Variants in CACNA1F observed in about 807,000 individuals in gnomAD.
CACNA1F encodes voltage-dependent L-type calcium channel subunit alpha-1F.
CACNA1F carries 59 observed loss-of-function variants against 143.8 expected under a neutral mutation model. The observed-to-expected ratio is 0.41, with a 90% CI of 0.33 to 0.51. The LOEUF (loss-of-function observed/expected upper bound fraction) is 0.51, where lower values mean the gene tolerates loss of function less well. CACNA1F is among the 20% of genes least tolerant of loss of function. The probability of loss-of-function intolerance (pLI) is 0.22; values close to 1 mark genes in which losing one functional copy is unlikely to be tolerated. For synonymous variants in CACNA1F, 643 were observed against 649.1 expected, an observed-to-expected ratio of 0.99 and a Z score of 0.14; for missense variants, 1,411 against 1,647.5, an observed-to-expected ratio of 0.86 and a Z score of 2.48.
rs2065604544 is a variant in CACNA1F at position 49,207,006 on chromosome X, G to A, written c.5230C>T (p.Arg1744Trp). ...KQDEDEEVPD[R>W]LSYLDEQAGT... Reference sequence around the variant, plus strand: ...TCCCATGTGGCATGGCCAGTGTACCGATCAGGGACTTCCTCATCCTCATCT... The same window carrying A: ...TCCCATGTGGCATGGCCAGTGTACCAATCAGGGACTTCCTCATCCTCATCT... The change falls in exon 44 of 48, where the codon CGG (arginine) becomes TGG (tryptophan). Residue 1744 changes from arginine (R) to tryptophan (W), a missense_variant and splice_region_variant. This residue lies in a region of CACNA1F where 349 missense variants were observed against 350.2 expected (regional missense o/e 1.00). Transcript: ENST00000323022. The A allele has an allele frequency of 3.4e-6, 4 of 1,171,104 alleles. No homozygotes were observed. The highest frequency in any genetic ancestry group is 4.6e-6 in the Non-Finnish European group (4 of 865,528).
At position 49,208,197 on chromosome X, in the gene CACNA1F, C is replaced by CA. The variant is rs1182146690; in HGVS notation, c.5123+317dup. Among the ~76,000 whole-genome samples the CA allele has an allele frequency of 6.1e-3, 288 of 47,303 alleles. 3 individuals carry two copies. Among genetic ancestry groups the CA allele is most frequent in the African/African-American group, 0.011 (125 of 11,769 alleles). 41.1% of individuals were successfully genotyped at this position (47,303 alleles called of 115,157 possible). On this transcript the variant is annotated intron_variant, in intron 43 of 47. Coordinates refer to ENST00000323022, the MANE Select transcript of CACNA1F (RefSeq NM_001256789.3). Reference sequence around the variant, plus strand: ...TGGGAGACAGAGCGGGACTCTGTCTCAAAAAAAAAAAAAAAAAAAAAGTGA... The same window carrying CA: ...TGGGAGACAGAGCGGGACTCTGTCTCAAAAAAAAAAAAAAAAAAAAAAGTGA...
intron 47 of CACNA1F, 39 bp from the exon 48 acceptor site, chrX:49,205,406 A>G (rs1235305186): frequency 2.0e-6 from 2 of 1,006,387 alleles, no homozygotes; most frequent in Non-Finnish European, 2.8e-6. Flanking sequence ...CGGACGGCAC[A>G]GTGTGCACAG....
intron 13 of CACNA1F, 83 bp downstream of exon 13, chrX:49,225,826 G>A (rs2065817432): frequency 1.1e-6 from 1 of 938,034 alleles, no homozygotes; most frequent in African/African-American, 2.0e-5. Context: ...GGGGGCTGAG[G>A]CGCCCTAGAG....
At chrX:49,231,654 C>T (rs782544202) in intron 2 of CACNA1F, 24 bp downstream of exon 2, 1 of 1,208,891 alleles carries the variant, frequency 8.3e-7, no homozygotes, top group Non-Finnish European at 1.1e-6. Context: ...TACCCCTGGG[C>T]CCTGCCCCTG....
chrX:49,211,485 G>A lies in CACNA1F; in HGVS notation c.4101-4C>T, dbSNP rs376118598. On this transcript the variant is annotated splice_region_variant and splice_polypyrimidine_tract_variant and intron_variant, in intron 35 of 47. Coordinates refer to ENST00000323022, the MANE Select transcript of CACNA1F (RefSeq NM_001256789.3). ...CCATGCCTCACCAGTGGCACACCTG[G>A]TGGGAGTCACACAGGGGTAGCATCC... 12 of 1,203,913 alleles carry A rather than the reference G, an allele frequency of 1.0e-5. No individual in the cohort carries two copies. The highest frequency in any genetic ancestry group is 2.3e-4 in the Middle Eastern group (1 of 4,355).
chrX:49,223,094 A>G lies in CACNA1F; in HGVS notation c.1920T>C (p.Asn640=). 1.7e-6 allele frequency: 2 copies of G among 1,204,500 alleles called. No individual in the cohort carries two copies. Among genetic ancestry groups the G allele is most frequent in the Non-Finnish European group, 1.1e-6 (1 of 891,493 alleles). The change falls in exon 15 of 48, where the codon AAT becomes AAC. Residue 640 remains asparagine (N), a synonymous_variant. Coordinates refer to ENST00000323022, the MANE Select transcript of CACNA1F (RefSeq NM_001256789.3). ...SLSNLVASLL[N]SMKSIASLLL... is the part of the protein sequence containing the mutation. ...GCAAGGATGCGATGGATTTCATTGAATTGAGCAGGGATGCCACCAGATTGC... is the reference window on the plus strand; with the variant it reads ...GCAAGGATGCGATGGATTTCATTGAGTTGAGCAGGGATGCCACCAGATTGC...
chrX:49,209,464 G>A (rs1367149861), intron 41 of CACNA1F, 71 bp from the exon 42 acceptor site: 7 of 1,143,382 alleles, frequency 6.1e-6, no homozygotes, highest in East Asian at 6.0e-5. Flanking sequence ...CCCTGCAGGC[G>A]GGTAGGGTGG....
At position 49,212,300 on chromosome X, in the gene CACNA1F, G is replaced by T. The variant is rs782711171; in HGVS notation, c.3951C>A (p.Pro1317=). ...WTFIKSFQAL[P]YVALLIAMIF... Reference sequence around the variant, plus strand: ...TCATTGCGATGAGAAGAGCCACATAGGGCAAGGCCTATAGGGATGGGGGAG... The same window carrying T: ...TCATTGCGATGAGAAGAGCCACATATGGCAAGGCCTATAGGGATGGGGGAG... The change falls in exon 34 of 48, where the codon CCC becomes CCA. Residue 1317 remains proline, a synonymous_variant. Coordinates refer to ENST00000323022, the MANE Select transcript of CACNA1F (RefSeq NM_001256789.3). The T allele has an allele frequency of 8.3e-7, 1 of 1,201,410 alleles. No homozygotes were observed. The highest frequency in any genetic ancestry group is 1.8e-5 in the South Asian group (1 of 56,626).
At position 49,225,012 on chromosome X, in the gene CACNA1F, C is replaced by T. The variant is rs186027767; in HGVS notation, c.1652-26G>A. 151 of 1,050,905 alleles carry T rather than the reference C, an allele frequency of 1.4e-4. No homozygotes were observed. In the East Asian group the frequency reaches 3.8e-3, roughly 26 times the overall value. 86.6% of individuals were successfully genotyped at this position (1,050,905 alleles called of 1,213,427 possible). A position where few individuals can be genotyped will look rare whatever the true frequency, so the allele number is the denominator to read the frequency against. ...CTGTGGGGAGAGAGGCAGGGATGAT[C>T]GGGCTGGCCAGTTTCTGTGGTGACA... is the stretch of plus-strand genomic sequence containing the variant. On this transcript the variant is annotated intron_variant, in intron 13 of 47. Transcript: ENST00000323022.
intron 17 of CACNA1F, 87 bp downstream of exon 17, chrX:49,222,435 A>G: frequency 4.3e-6 from 3 of 702,675 alleles, no homozygotes; most frequent in Non-Finnish European, 6.7e-6. Context: ...GGGTGACTAG[A>G]GGCATCTCTG....
In CACNA1F at chrX:49,219,802, G is replaced by T; in HGVS notation, c.2387-12C>A. 9.9e-7 allele frequency: 1 copy of T among 1,014,928 alleles called. No homozygotes were observed. The highest frequency in any genetic ancestry group is 1.4e-6 in the Non-Finnish European group (1 of 739,335). The allele number at this position is 1,014,928 out of a possible 1,213,427, so 83.6% of individuals were successfully genotyped here. ...CTCCTCCTCCATGTCTGGCACCAGA[G>T]AAAAGCAAAAAAAAATTAATTGAGC... On this transcript the variant is annotated splice_polypyrimidine_tract_variant and intron_variant, in intron 19 of 47. Transcript: ENST00000323022.
rs201861911 is a variant in CACNA1F at position 49,231,913 on chromosome X, G to T, written c.40C>A (p.Pro14Thr). Residue 14 changes from proline to threonine, a missense_variant, in exon 2 of 48, where the codon CCC becomes ACC. This residue lies in a region of CACNA1F where 950 missense variants were observed against 1,128.1 expected (regional missense o/e 0.84). Coordinates refer to ENST00000323022, the MANE Select transcript of CACNA1F (RefSeq NM_001256789.3). ...GGGCCTGCCCCATTGGCTGGACTGG[G>T]CTCTGGGGTGGTGTCTATATGGAGA... ...SEGGKDTTPE[P>T]SPANGAGPGP... 3.1e-4 allele frequency: 370 copies of T among 1,175,411 alleles called. No individual in the cohort carries two copies. The highest frequency in any genetic ancestry group is 4.0e-4 in the Non-Finnish European group (348 of 878,148).
At position 49,231,198 on chromosome X, in the gene CACNA1F, T is replaced by C; in HGVS notation, c.381+4A>G. ...GGAACTGGCTGGGGCGGGGCGGGCC[T>C]TACCAGGTTGTGGTTGGCAGTGTTG... On this transcript the variant is annotated splice_donor_region_variant and intron_variant, in intron 3 of 47. Coordinates refer to ENST00000323022, the MANE Select transcript of CACNA1F (RefSeq NM_001256789.3). 1 of 1,133,636 alleles carries C rather than the reference T, an allele frequency of 8.8e-7. No individual in the cohort carries two copies. Among genetic ancestry groups the C allele is most frequent in the Non-Finnish European group, 1.2e-6 (1 of 842,270 alleles). 93.4% of individuals were successfully genotyped at this position (1,133,636 alleles called of 1,213,427 possible).
At chrX:49,227,900 T>C (rs1338996787) in intron 8 of CACNA1F, 136 bp downstream of exon 8, 1 of 517,747 alleles carries the variant, frequency 1.9e-6, no homozygotes, top group Non-Finnish European at 3.5e-6. Context: ...AAATGGTGCC[T>C]CACATACAAT....
Position 49,215,202 on chromosome X carries a change from G to C in CACNA1F, c.3481C>G (p.Arg1161Gly), listed in dbSNP as rs782340070. Residue 1161 changes from arginine (R) to glycine (G), a missense_variant, in exon 29 of 48, where the codon CGT becomes GGT. This residue lies in a region of CACNA1F where 950 missense variants were observed against 1,128.1 expected (regional missense o/e 0.84). Transcript: ENST00000323022. ...TGATGCGGGTTCTTGGGGATGTAAC[G>C]GCGGAGTGGCTGGGCCTTGAGGGCA... is the stretch of plus-strand genomic sequence containing the variant. ...EYALKAQPLR[R>G]YIPKNPHQYR... is the part of the protein sequence containing the mutation. 2 of 1,208,619 alleles carry C rather than the reference G, an allele frequency of 1.7e-6. No homozygotes were observed. The highest frequency in any genetic ancestry group is 3.5e-5 in the African/African-American group (2 of 56,704).
rs781791255 is a variant in CACNA1F at position 49,226,105 on chromosome X, A to G, written c.1491-36T>C. 8 of 1,186,489 alleles carry G rather than the reference A, an allele frequency of 6.7e-6. No individual in the cohort carries two copies. The East Asian group carries it at 2.4e-4, about 36-fold the overall frequency. ...GGGAGCCCACAGGCTGAGATCACCT[A>G]CCTAAGCCTGCCCTGGGGGGCTCAG... On this transcript the variant is annotated intron_variant, in intron 12 of 47. Transcript: ENST00000323022.
chrX:49,226,794 G>C (rs782285908), intron 9 of CACNA1F, 92 bp from the exon 10 acceptor site: 2 of 983,999 alleles, frequency 2.0e-6, no homozygotes, highest in Non-Finnish European at 2.8e-6. Context: ...AGTCTTTATA[G>C]CTGAGGCTGG....
At chrX:49,208,411 G>GGGCCCCCCCC in intron 43 of CACNA1F, 104 bp downstream of exon 43, 2 of 414,482 alleles carry the variant, frequency 4.8e-6, no homozygotes, top group East Asian at 4.6e-5. Flanking sequence ...AGGCCTCTAG[G>GGGCCCCCCCC]CCCTCCCTCC....
Position 49,217,734 on chromosome X carries a change from G to A in CACNA1F, c.3089+21C>T, listed in dbSNP as rs371800005. ...GGGAGGGGTCCTGAGCTCCGTGGAC[G>A]GCAGGGTCTTGGGCACTCACTTGCA... On this transcript the variant is annotated intron_variant, in intron 26 of 47. Transcript: ENST00000323022. The A allele has an allele frequency of 1.7e-5, 20 of 1,194,522 alleles. No homozygotes were observed. The African/African-American group carries it at 2.3e-4, about 14-fold the overall frequency.
Sources: allele counts gnomAD v4.1 joint callset (sites outside exome capture counted in the v4.1 genomes callset), GRCh38; gene constraint gnomAD v4.1.1; regional missense constraint gnomAD v4.1.1; transcripts MANE v1.5; gene names NCBI Gene and HGNC (gene_info 2026-07-23, HGNC 2026-07-21).